Variants in CDK19 observed in about 807,000 individuals in gnomAD.
CDK19 encodes the protein cyclin-dependent kinase 19.
In CDK19, 20 loss-of-function variants were observed where a neutral mutation model predicts 68.3. The observed-to-expected ratio is 0.29, with a 90% CI of 0.21 to 0.43. The LOEUF (loss-of-function observed/expected upper bound fraction) is 0.43. CDK19 is among the 20% of genes least tolerant of loss of function. The pLI, the probability that CDK19 is intolerant of heterozygous loss-of-function variation, is 1.00. For synonymous variants in CDK19, 221 were observed against 222.8 expected, an observed-to-expected ratio of 0.99 and a Z score of 0.07; for missense variants, 339 against 623.5, an observed-to-expected ratio of 0.54 and a Z score of 4.86.
intron 2 of CDK19, among the ~76,000 whole-genome samples, chr6:110,739,571 A>T (rs1408371894): frequency 1.3e-5 from 2 of 152,012 alleles, no homozygotes; most frequent in Non-Finnish European, 2.9e-5. Context: ...CTTCATTTGG[A>T]AATATCTCGA....
At chr6:110,774,492 C>G (rs1780257527) in intron 1 of CDK19, among the ~76,000 whole-genome samples, 1 of 152,168 alleles carries the variant, frequency 6.6e-6, no homozygotes, top group African/African-American at 2.4e-5. Flanking sequence ...GAGGACAGCG[C>G]TGGACAGCAC....
intron 12 of CDK19, among the ~76,000 whole-genome samples, chr6:110,619,008 T>A (rs1778537948): frequency 6.6e-6 from 1 of 152,204 alleles, no homozygotes; most frequent in Admixed American, 6.5e-5. Flanking sequence ...CAGCGAACTT[T>A]CAGAGAGTGA....
chr6:110,794,756 CTTTG>C (rs1781830209), intron 1 of CDK19, among the ~76,000 whole-genome samples: 1 of 151,452 alleles, frequency 6.6e-6, no homozygotes, highest in Non-Finnish European at 1.5e-5. Context: ...CAACATGAAA[CTTTG>C]TTTATTCTTC....
intron 1 of CDK19, chr6:110,814,537 T>C: frequency 2.2e-6 from 1 of 453,744 alleles, no homozygotes; most frequent in Non-Finnish European, 4.4e-6. Flanking sequence ...CAGGCCGCGT[T>C]CGCCCGACAG....
At chr6:110,673,158 T>C (rs2114462393) in intron 2 of CDK19, among the ~76,000 whole-genome samples, 1 of 152,326 alleles carries the variant, frequency 6.6e-6, no homozygotes, top group Middle Eastern at 3.4e-3. Context: ...TGAATTTGAC[T>C]GTTCTTGGTA....
intron 2 of CDK19, among the ~76,000 whole-genome samples, chr6:110,712,278 G>C (rs1775002208): frequency 6.6e-6 from 1 of 152,146 alleles, no homozygotes; most frequent in African/African-American, 2.4e-5. Flanking sequence ...AAATATATTT[G>C]AGCATAGAAT....
At chr6:110,693,019 C>T (rs2114591645) in intron 2 of CDK19, among the ~76,000 whole-genome samples, 1 of 151,836 alleles carries the variant, frequency 6.6e-6, no homozygotes, top group South Asian at 2.1e-4. Flanking sequence ...TAATAATAAA[C>T]CCAAGGTAAA....
rs1003781158 is a variant in CDK19, at chr6:110,815,026, C to T, written c.111G>A (p.Lys37=). The T allele has an allele frequency of 5.6e-6, 9 of 1,604,086 alleles. No individual in the cohort carries two copies. In the African/African-American group the frequency reaches 1.1e-4, roughly 20 times the overall value. ...GCTCTTACCCATCTTTCCGCCTCGC[C>T]TTGTAGACGTGACCGTAGGTGCCGC... ...VGRGTYGHVY[K]ARRKDGKDEK... Residue 37 remains lysine (K), a synonymous_variant, in exon 1 of 13, where the codon AAG becomes AAA. Transcript: ENST00000368911.
intron 2 of CDK19, among the ~76,000 whole-genome samples, chr6:110,724,043 A>G (rs889233659): frequency 1.4e-4 from 22 of 152,212 alleles, no homozygotes; most frequent in Admixed American, 3.3e-4. Context: ...AGTTTAAAAG[A>G]AAGTAATTTT....
chr6:110,764,171 C>T (rs1006519336), intron 1 of CDK19, among the ~76,000 whole-genome samples: 1 of 152,250 alleles, frequency 6.6e-6, no homozygotes, highest in South Asian at 2.1e-4. Context: ...GTCAAGAGCT[C>T]AATTCTTTCT....
chr6:110,766,070 C>T (rs1306439016), intron 1 of CDK19, among the ~76,000 whole-genome samples: 1 of 151,976 alleles, frequency 6.6e-6, no homozygotes, highest in Non-Finnish European at 1.5e-5. Flanking sequence ...ATAGAAATAC[C>T]ATATGATCCA....
intron 6 of CDK19, among the ~76,000 whole-genome samples, chr6:110,629,521 ATT>A (rs566545199): frequency 7.2e-5 from 11 of 152,154 alleles, no homozygotes; most frequent in Admixed American, 2.0e-4. Flanking sequence ...TGCCTGGCTA[ATT>A]TTTGTATTTT....
chr6:110,681,445 A>C (rs1219647367), intron 2 of CDK19, among the ~76,000 whole-genome samples: 1 of 152,252 alleles, frequency 6.6e-6, no homozygotes, highest in Non-Finnish European at 1.5e-5. Flanking sequence ...TTTCTATTTT[A>C]CAAGTTTTCT....
intron 1 of CDK19, among the ~76,000 whole-genome samples, chr6:110,773,218 GT>G (rs1430133501): frequency 3.3e-5 from 5 of 151,940 alleles, no homozygotes; most frequent in Admixed American, 6.6e-5. Context: ...GATGGTGCGT[GT>G]CTGTAGTTCC....
intron 1 of CDK19, among the ~76,000 whole-genome samples, chr6:110,770,720 ATCCAAGACAAGGTAAGTCCCT>A (rs1779956580): frequency 6.6e-6 from 1 of 152,168 alleles, no homozygotes; most frequent in Non-Finnish European, 1.5e-5. Flanking sequence ...CCAAAGTCTC[ATCCAAGACAAGGTAAGTCCCT>A]TCCACCTATG....
Position 110,623,899 on chromosome 6 carries a change from A to ATATATATACGTATATATATATATGTGTG in CDK19, c.861-538_861-537insCACACATATATATATATACGTATATATA, listed in dbSNP as rs1562130260. On this transcript the variant is annotated intron_variant, in intron 8 of 12. Transcript: ENST00000368911. ...TATACGTATATATATATGTGTGTGTATATATATATACGTATATATATATAC... is the reference window on the plus strand; with the variant it reads ...TATACGTATATATATATGTGTGTGTATATATATACGTATATATATATATGTGTGTATATATATACGTATATATATATAC... 2.6e-3 allele frequency among the ~76,000 whole-genome samples: 30 copies of ATATATATACGTATATATATATATGTGTG among 11,504 alleles called. No homozygotes were observed. The African/African-American group carries it at 0.03, about 11-fold the overall frequency. The allele number at this position is 11,504 out of a possible 152,430, so 7.5% of individuals were successfully genotyped here. A position where few individuals can be genotyped will look rare whatever the true frequency, so the allele number is the denominator to read the frequency against.
intron 4 of CDK19, among the ~76,000 whole-genome samples, chr6:110,639,445 A>C (rs1779986528): frequency 6.6e-6 from 1 of 152,258 alleles, no homozygotes; most frequent in Admixed American, 6.5e-5. Flanking sequence ...TTATTCAATC[A>C]ACGAATGCAT....
chr6:110,785,035 T>C (rs191168329), intron 1 of CDK19, among the ~76,000 whole-genome samples: 1 of 135,568 alleles, frequency 7.4e-6, no homozygotes, highest in East Asian at 2.3e-4. Flanking sequence ...TGGTGATAAT[T>C]ATACAATCCT....
chr6:110,761,622 A>G (rs1018920656), intron 1 of CDK19, among the ~76,000 whole-genome samples: 2 of 147,936 alleles, frequency 1.4e-5, no homozygotes, highest in Non-Finnish European at 3.0e-5. Context: ...TAGACAGGAG[A>G]TGTGGACTAG....
Sources: allele counts gnomAD v4.1 joint callset (sites outside exome capture counted in the v4.1 genomes callset), GRCh38; gene constraint gnomAD v4.1.1; transcripts MANE v1.5; gene names NCBI Gene and HGNC (gene_info 2026-07-23, HGNC 2026-07-21).